ZNF709: variants seen among roughly 807,000 people sequenced by gnomAD.
ZNF709 encodes the protein zinc finger protein 709.
Under a neutral mutation model 10.6 loss-of-function variants are expected in ZNF709, and 15 were observed. The observed-to-expected ratio is 1.41, with a 90% CI of 0.95 to 2.18. The LOEUF (loss-of-function observed/expected upper bound fraction) is 2.18. Among genes scored for constraint, ZNF709 ranks in the 30% most tolerant of loss-of-function variants. ZNF709 has a pLI of 0.00. For missense variants in ZNF709, 589 were observed against 774.0 expected (o/e 0.76, Z 2.84); for synonymous variants, 194 against 238.8 (o/e 0.81, Z 1.73).
At chr19:12,478,616 AC>A (rs1970695118) in intron 1 of ZNF709, among the ~76,000 whole-genome samples, 1 of 152,250 alleles carries the variant, frequency 6.6e-6, no homozygotes, top group South Asian at 2.1e-4. Flanking sequence ...AGCGTGGAGA[AC>A]AGACACCAAA....
intron 3 of ZNF709, among the ~76,000 whole-genome samples, chr19:12,466,225 G>A (rs1441145560): frequency 6.6e-6 from 1 of 152,160 alleles, no homozygotes; most frequent in Non-Finnish European, 1.5e-5. Context: ...ACAGGCATGA[G>A]CCACCATGCC....
rs764268558 is a variant in ZNF709 at position 12,464,037 on chromosome 19, G to A, written c.1885C>T (p.Arg629Cys). 1.1e-5 allele frequency: 16 copies of A among 1,516,412 alleles called. No homozygotes were observed. Among genetic ancestry groups the A allele is most frequent in the Admixed American group, 2.2e-5 (1 of 45,132 alleles). 93.9% of individuals were successfully genotyped at this position (1,516,412 alleles called of 1,614,324 possible). A position where few individuals can be genotyped will look rare whatever the true frequency, so the allele number is the denominator to read the frequency against. The change falls in exon 4 of 4, where the codon CGT (arginine) becomes TGT (cysteine). Residue 629 changes from arginine (R) to cysteine (C), a missense_variant. This residue lies in a region of ZNF709 where 171 missense variants were observed against 277.7 expected (regional missense o/e 0.62). Coordinates refer to ENST00000397732, the MANE Select transcript of ZNF709 (RefSeq NM_152601.4). ...ACTCTTTCATGTATTCGAAAGGAAC[G>A]GGAACACTTGAAGGCTTTACCACAT... ...QQCGKAFKCS[R>C]SFRIHERVHS...
intron 1 of ZNF709, among the ~76,000 whole-genome samples, chr19:12,472,254 G>C (rs1238924273): frequency 6.6e-6 from 1 of 152,168 alleles, no homozygotes; most frequent in Non-Finnish European, 1.5e-5. Flanking sequence ...AGGCACGGTG[G>C]CTCACATCTG....
Position 12,465,827 on chromosome 19 carries a change from A to G in ZNF709, c.189-94T>C, listed in dbSNP as rs1312287021. 4 of 1,051,718 alleles carry G rather than the reference A, an allele frequency of 3.8e-6. No homozygotes were observed. The South Asian group carries it at 7.5e-5, about 20-fold the overall frequency. 65.1% of individuals were successfully genotyped at this position (1,051,718 alleles called of 1,614,324 possible). ...GATTATTTCACAATCATTAGTAGGTAGTAGAATTACACTTTTGCCATTTTC... is the reference window on the plus strand; with the variant it reads ...GATTATTTCACAATCATTAGTAGGTGGTAGAATTACACTTTTGCCATTTTC... On this transcript the variant is annotated intron_variant, in intron 3 of 3. Coordinates refer to ENST00000397732, the MANE Select transcript of ZNF709 (RefSeq NM_152601.4).
intron 2 of ZNF709, 75 bp from the exon 3 acceptor site, chr19:12,466,594 T>C: frequency 6.3e-7 from 1 of 1,599,476 alleles, no homozygotes; most frequent in Non-Finnish European, 8.6e-7. Flanking sequence ...AAATCTAGGA[T>C]GAGCTGTTAT....
rs1337073426 is a variant in ZNF709 at position 12,461,185 on chromosome 19, A to G, written c.*2811T>C. ...ATAAAAAAACTTAATCTGAAAATCTATAATTGCAATGGAATATTTTAATAT... is the reference window on the plus strand; with the variant it reads ...ATAAAAAAACTTAATCTGAAAATCTGTAATTGCAATGGAATATTTTAATAT... On this transcript the variant is annotated 3_prime_UTR_variant, in exon 4 of 4. Coordinates refer to ENST00000397732, the MANE Select transcript of ZNF709 (RefSeq NM_152601.4). 2 of 152,232 alleles carry G rather than the reference A, an allele frequency of 1.3e-5. No individual in the cohort carries two copies. The highest frequency in any genetic ancestry group is 2.9e-5 in the Non-Finnish European group (2 of 68,040). The allele number at this position is 152,232 out of a possible 1,614,324, so 9.4% of individuals were successfully genotyped here.
At position 12,465,608 on chromosome 19, in the gene ZNF709, C is replaced by A; in HGVS notation, c.314G>T (p.Ser105Ile). Residue 105 changes from serine to isoleucine, a missense_variant, in exon 4 of 4, where the codon AGT becomes ATT. This residue lies in a region of ZNF709 where 418 missense variants were observed against 496.3 expected (regional missense o/e 0.84). Transcript: ENST00000397732. The stretch of plus-strand genomic sequence containing the variant: ...ACACATATAGTCCTTTCCACACACA[C>A]TACATTCATATGGTTTTACTCTAGT... Reference protein sequence around the residue: ...TFTRVKPYECSVCGKDYMCHS... With the variant: ...TFTRVKPYECIVCGKDYMCHS... 1 of 1,613,876 alleles carries A rather than the reference C, an allele frequency of 6.2e-7. No individual in the cohort carries two copies. The highest frequency in any genetic ancestry group is 2.2e-5 in the East Asian group (1 of 44,858).
At chr19:12,465,881 G>A (rs1000795697) in intron 3 of ZNF709, 148 bp from the exon 4 acceptor site, 2 of 538,810 alleles carry the variant, frequency 3.7e-6, no homozygotes, top group Middle Eastern at 5.1e-4. Context: ...GAATGCTCAG[G>A]AAGAGTACTT....
chr19:12,482,352 C>T (rs193004590), intron 1 of ZNF709, among the ~76,000 whole-genome samples: 1 of 152,256 alleles, frequency 6.6e-6, no homozygotes, highest in East Asian at 1.9e-4. Flanking sequence ...TAGAGTGAGA[C>T]AGTCCCTGGT....
intron 1 of ZNF709, among the ~76,000 whole-genome samples, chr19:12,478,599 T>C (rs1173499658): frequency 6.6e-6 from 1 of 152,228 alleles, no homozygotes; most frequent in Non-Finnish European, 1.5e-5. Flanking sequence ...ATGTTGACAC[T>C]AATAACAGCG....
chr19:12,482,337 A>G (rs1970736540), intron 1 of ZNF709, among the ~76,000 whole-genome samples: 1 of 151,980 alleles, frequency 6.6e-6, no homozygotes, highest in South Asian at 2.1e-4. Flanking sequence ...TTGGGCAACA[A>G]CCTTTAGAGT....
chr19:12,478,460 A>T (rs1249989959), intron 1 of ZNF709, among the ~76,000 whole-genome samples: 1 of 152,250 alleles, frequency 6.6e-6, no homozygotes, highest in Non-Finnish European at 1.5e-5. Flanking sequence ...AGAAAGCAGC[A>T]GCTGAAAGTG....
intron 1 of ZNF709, among the ~76,000 whole-genome samples, chr19:12,467,241 G>T (rs967875384): frequency 2.6e-5 from 4 of 152,184 alleles, no homozygotes; most frequent in African/African-American, 9.6e-5. Context: ...CTCCCTGCCT[G>T]ATTCTCCTGC....
chr19:12,470,926 CAAAA>C (rs763385209), intron 1 of ZNF709, among the ~76,000 whole-genome samples: 2 of 81,558 alleles, frequency 2.5e-5, no homozygotes. Context: ...GACTCCACCT[CAAAA>C]AAAAAAAAAA....
chr19:12,466,355 A>G (rs951926106), intron 3 of ZNF709, 107 bp downstream of exon 3: 9 of 1,177,118 alleles, frequency 7.6e-6, no homozygotes, highest in African/African-American at 3.1e-5. Flanking sequence ...CAAAAAATAA[A>G]TAAATATGAA....
intron 1 of ZNF709, among the ~76,000 whole-genome samples, chr19:12,468,503 G>C (rs951204187): frequency 1.3e-5 from 2 of 151,616 alleles, no homozygotes; most frequent in South Asian, 2.1e-4. Flanking sequence ...CAGCATGCTC[G>C]TTAAGAGTCA....
intron 1 of ZNF709, among the ~76,000 whole-genome samples, chr19:12,470,821 G>A (rs1465509286): frequency 1.3e-5 from 2 of 151,912 alleles, no homozygotes; most frequent in Admixed American, 1.3e-4. Context: ...CAGCTACTCG[G>A]GAGGCTGAGG....
rs1248269392 is a variant in ZNF709 at position 12,463,757 on chromosome 19, T to C, written c.*239A>G. Reference sequence around the variant, plus strand: ...GCCTGGCCAACATGGCGAAACCCCATCTCTACTAAAAATACAAAAATTAAG... The same window carrying C: ...GCCTGGCCAACATGGCGAAACCCCACCTCTACTAAAAATACAAAAATTAAG... On this transcript the variant is annotated 3_prime_UTR_variant, in exon 4 of 4. Coordinates refer to ENST00000397732, the MANE Select transcript of ZNF709 (RefSeq NM_152601.4). 3.1e-6 allele frequency: 1 copy of C among 320,384 alleles called. No homozygotes were observed. Among genetic ancestry groups the C allele is most frequent in the Non-Finnish European group, 5.6e-6 (1 of 178,558 alleles). The allele number at this position is 320,384 out of a possible 1,614,324, so 19.8% of individuals were successfully genotyped here. A position where few individuals can be genotyped will look rare whatever the true frequency, so the allele number is the denominator to read the frequency against.
At chr19:12,467,907 G>C (rs1254474514) in intron 1 of ZNF709, among the ~76,000 whole-genome samples, 1 of 151,620 alleles carries the variant, frequency 6.6e-6, no homozygotes, top group Non-Finnish European at 1.5e-5. Flanking sequence ...TCTCCGCCCG[G>C]CAGCCACCCC....
Sources: allele counts gnomAD v4.1 joint callset (sites outside exome capture counted in the v4.1 genomes callset), GRCh38; gene constraint gnomAD v4.1.1; regional missense constraint gnomAD v4.1.1; transcripts MANE v1.5; gene names NCBI Gene and HGNC (gene_info 2026-07-23, HGNC 2026-07-21).